Variants in ASB11 observed in about 807,000 individuals in gnomAD.
ASB11 encodes the protein ankyrin repeat and SOCS box containing 11.
ASB11 carries 17 observed loss-of-function variants against 20.1 expected under a neutral mutation model. The observed-to-expected ratio is 0.85, with a 90% CI of 0.58 to 1.27. The LOEUF (loss-of-function observed/expected upper bound fraction) is 1.27. Ranked by LOEUF, ASB11 falls within the 50% of genes most tolerant of loss-of-function variation. ASB11 has a pLI of 0.00. For synonymous variants in ASB11, 107 were observed against 105.6 expected, an observed-to-expected ratio of 1.01 and a Z score of -0.08; for missense variants, 259 against 256.9, an observed-to-expected ratio of 1.01 and a Z score of -0.06.
Position 15,297,648 on chromosome X carries a change from C to G in ASB11, c.295G>C (p.Val99Leu), listed in dbSNP as rs757138807. 8.7e-5 allele frequency: 105 copies of G among 1,208,824 alleles called. 1 individual carries two copies. Among genetic ancestry groups the G allele is most frequent in the Non-Finnish European group, 1.1e-4 (101 of 894,383 alleles). ...AGGCATGCCTCGTGGAGAGAAGACACCCGGTTAATTGTCACAAGGTTCACA... is the reference window on the plus strand; with the variant it reads ...AGGCATGCCTCGTGGAGAGAAGACAGCCGGTTAATTGTCACAAGGTTCACA... ...VNVNLVTINR[V>L]SSLHEACLGG... The change falls in exon 3 of 7, where the codon GTG becomes CTG. Residue 99 changes from valine (V) to leucine (L), a missense_variant. By Grantham distance (32) the Val-to-Leu change is conservative. Coordinates refer to ENST00000480796, the MANE Select transcript of ASB11 (RefSeq NM_080873.3).
intron 3 of ASB11, 91 bp downstream of exon 3, chrX:15,297,483 A>G: frequency 1.3e-6 from 1 of 755,528 alleles, no homozygotes; most frequent in Admixed American, 3.3e-5. Flanking sequence ...CCTTACCCAC[A>G]GTGGGTAAGC....
rs760135124 is a variant in ASB11, at chrX:15,297,613, G to A, written c.330C>T (p.His110=). 5.0e-6 allele frequency: 6 copies of A among 1,207,405 alleles called. No homozygotes were observed. The highest frequency in any genetic ancestry group is 3.0e-5 in the East Asian group (1 of 33,709). ...SSLHEACLGG[H]VACAKALLEN... ...CCAATAAGGCTTTGGCACAGGCCAC[G>A]TGACCTCCAAGGCATGCCTCGTGGA... is the stretch of plus-strand genomic sequence containing the variant. Residue 110 remains histidine, a synonymous_variant, in exon 3 of 7, where the codon CAC becomes CAT. Transcript: ENST00000480796.
intron 2 of ASB11, among the ~76,000 whole-genome samples, chrX:15,301,352 TAAAA>T (rs1413702023): frequency 8.9e-6 from 1 of 112,328 alleles, no homozygotes; most frequent in Non-Finnish European, 1.9e-5. Flanking sequence ...TTAAAGTACT[TAAAA>T]ATAAATAAGC....
chrX:15,287,498 T>C (rs765241622), intron 6 of ASB11, among the ~76,000 whole-genome samples: 141 of 112,381 alleles, frequency 1.3e-3, no homozygotes, highest in Non-Finnish European at 1.4e-3. Flanking sequence ...GGCTAATTTC[T>C]GTATTTTTAG....
rs6632268 is a variant in ASB11 at position 15,309,147 on chromosome X, C to T, written c.181+6278G>A. Among the ~76,000 whole-genome samples the T allele has an allele frequency of 1.1e-4, 12 of 111,042 alleles. No homozygotes were observed. In the East Asian group the frequency reaches 2.8e-3, roughly 26 times the overall value. ...GCCCAGGCTGGTCTTGAACTCCTGA[C>T]CTCAAGTGATCCACTTGCCTCGGCC... On this transcript the variant is annotated intron_variant, in intron 1 of 6. Transcript: ENST00000480796.
chrX:15,304,715 T>C (rs1354365345), intron 1 of ASB11, among the ~76,000 whole-genome samples: 1 of 111,750 alleles, frequency 8.9e-6, no homozygotes, highest in Admixed American at 9.5e-5. Context: ...CTGTCTCTGA[T>C]AAAAATACAA....
intron 1 of ASB11, among the ~76,000 whole-genome samples, chrX:15,304,549 G>A (rs746322639): frequency 8.0e-5 from 9 of 111,969 alleles, no homozygotes; most frequent in Non-Finnish European, 1.7e-4. Flanking sequence ...CCCAGGTCTG[G>A]GCCAGGTAAA....
chrX:15,314,832 T>C (rs1410174196), intron 1 of ASB11, among the ~76,000 whole-genome samples: 2 of 110,989 alleles, frequency 1.8e-5, no homozygotes, highest in Non-Finnish European at 1.9e-5. Flanking sequence ...CTACAAAGCA[T>C]GAGAATTTAA....
In ASB11 at chrX:15,295,839, T is replaced by A. The variant is rs138601078; in HGVS notation, c.369+1735A>T. The stretch of plus-strand genomic sequence containing the variant: ...CCTGATATTGTCAGCAGTCTGCCTG[T>A]GACTCCAGTCATCTAGCTTGAAAGG... On this transcript the variant is annotated intron_variant, in intron 3 of 6. Transcript: ENST00000480796. Among the ~76,000 whole-genome samples the A allele has an allele frequency of 3.8e-3, 424 of 112,430 alleles. 1 individual carries two copies. The highest frequency in any genetic ancestry group is 3.7e-3 in the Non-Finnish European group (199 of 53,276).
chrX:15,286,540 C>T (rs897981366), intron 6 of ASB11, among the ~76,000 whole-genome samples: 1 of 108,263 alleles, frequency 9.2e-6, no homozygotes, highest in African/African-American at 3.4e-5. Context: ...TGGTGCACGC[C>T]TGTAGTCCCA....
intron 2 of ASB11, among the ~76,000 whole-genome samples, chrX:15,298,001 T>C (rs1920984338): frequency 8.9e-6 from 1 of 112,475 alleles, no homozygotes; most frequent in Non-Finnish European, 1.9e-5. Context: ...CATTCATTTA[T>C]CCAAAAGAAT....
intron 1 of ASB11, among the ~76,000 whole-genome samples, chrX:15,303,032 A>G (rs192092022): frequency 2.7e-4 from 30 of 111,775 alleles, no homozygotes; most frequent in Non-Finnish European, 5.1e-4. Context: ...GGAACAGTCA[A>G]TCTCTCTGGC....
At chrX:15,292,615 C>T (rs776424749) in intron 4 of ASB11, among the ~76,000 whole-genome samples, 1 of 112,221 alleles carries the variant, frequency 8.9e-6, no homozygotes, top group Non-Finnish European at 1.9e-5. Context: ...AAAGTTGCAG[C>T]CTTTTCTTTT....
At chrX:15,308,429 C>A (rs1302875561) in intron 1 of ASB11, among the ~76,000 whole-genome samples, 1 of 111,539 alleles carries the variant, frequency 9.0e-6, no homozygotes, top group East Asian at 2.8e-4. Flanking sequence ...CTTTCCAATT[C>A]TCTTCCTCAT....
intron 1 of ASB11, among the ~76,000 whole-genome samples, chrX:15,310,537 A>G (rs1921398881): frequency 8.9e-6 from 1 of 112,431 alleles, no homozygotes; most frequent in South Asian, 3.6e-4. Context: ...CAACTTCACA[A>G]CAACTTCTAA....
rs754522790 is a variant in ASB11 at position 15,286,000 on chromosome X, C to T, written c.847+1881G>A. 1.9e-4 allele frequency among the ~76,000 whole-genome samples: 21 copies of T among 109,549 alleles called. No individual in the cohort carries two copies. The East Asian group carries it at 5.5e-3, about 29-fold the overall frequency. ...AGCCTGGGCAACAAGAGCAAAACTC[C>T]GTCTAAAATAATAATAATAATAATA... is the stretch of plus-strand genomic sequence containing the variant. On this transcript the variant is annotated intron_variant, in intron 6 of 6. Coordinates refer to ENST00000480796, the MANE Select transcript of ASB11 (RefSeq NM_080873.3).
intron 1 of ASB11, among the ~76,000 whole-genome samples, chrX:15,310,768 A>G (rs755700466): frequency 2.3e-4 from 26 of 112,313 alleles, no homozygotes; most frequent in Admixed American, 2.3e-3. Flanking sequence ...CAGGTGGATA[A>G]CCTAAGGTCA....
In ASB11 at chrX:15,283,610, C is replaced by T. The variant is rs1927257882; in HGVS notation, c.867G>A (p.Gln289=). The T allele has an allele frequency of 8.3e-7, 1 of 1,207,608 alleles. No individual in the cohort carries two copies. Among genetic ancestry groups the T allele is most frequent in the East Asian group, 3.0e-5 (1 of 33,701 alleles). The change falls in exon 7 of 7, where the codon CAG becomes CAA. Residue 289 remains glutamine (Q), a synonymous_variant. Transcript: ENST00000480796. ...ACTTCCGGACACACAGGCGGCAGAG[C>T]TGGGAAAGAGCAGGTGGGCCTGAGA... ...LLREGPPALS[Q]LCRLCVRKCL...
At chrX:15,284,195 T>C (rs1927295483) in intron 6 of ASB11, among the ~76,000 whole-genome samples, 2 of 96,205 alleles carry the variant, frequency 2.1e-5, no homozygotes, top group African/African-American at 8.2e-5. Flanking sequence ...GAGCTTGCAG[T>C]GAGCCGAGAT....
Sources: gnomAD v4.1 joint callset for allele counts (sites outside exome capture counted in the v4.1 genomes callset) on GRCh38, gnomAD v4.1.1 for gene constraint, MANE v1.5 for transcripts, NCBI Gene and HGNC (gene_info 2026-07-23, HGNC 2026-07-21) for gene names.